The following B4GALT6 variants were observed in gnomAD, a reference collection of about 807,000 sequenced individuals.
B4GALT6 encodes the protein UDP-Gal:beta-GlcNAc beta-1,4-galactosyltransferase 6.
In B4GALT6, 14 loss-of-function variants were observed where a neutral mutation model predicts 46.3. The observed-to-expected ratio is 0.30, with a 90% CI of 0.20 to 0.47. The LOEUF is 0.47. B4GALT6 is among the 20% of genes least tolerant of loss of function. B4GALT6 has a pLI of 0.99. For synonymous variants in B4GALT6, 168 were observed against 162.0 expected (o/e 1.04, Z -0.28); for missense variants, 386 against 480.1 (o/e 0.80, Z 1.83).
chr18:31,651,410 G>A (rs148630293), intron 3 of B4GALT6, among the ~76,000 whole-genome samples: 121 of 152,076 alleles, frequency 8.0e-4, no homozygotes, highest in Non-Finnish European at 1.3e-3. Context: ...GGGGTGGGGG[G>A]CTCTCTAGGA....
At chr18:31,626,976 G>A (rs2073707567) in intron 7 of B4GALT6, 23 bp downstream of exon 7, 4 of 1,586,022 alleles carry the variant, frequency 2.5e-6, no homozygotes, top group Non-Finnish European at 3.4e-6. Flanking sequence ...TTCTATTAGT[G>A]AACAATTTGT....
At chr18:31,693,511 T>C in the B4GALT6 span, among the ~76,000 whole-genome samples, 2 of 152,342 alleles carry the variant, frequency 1.3e-5, no homozygotes, top group South Asian at 4.1e-4. Context: ...TATAGCTTAC[T>C]TTATGCAAAT....
At chr18:31,724,621 C>A in the B4GALT6 span, 2 of 1,051,856 alleles carry the variant, frequency 1.9e-6, no homozygotes, top group South Asian at 3.6e-5. Flanking sequence ...CAGAGCAGTT[C>A]GCTGCTGCAC....
intron 4 of B4GALT6, among the ~76,000 whole-genome samples, chr18:31,641,677 A>C (rs552494642): frequency 6.6e-6 from 1 of 152,332 alleles, no homozygotes; most frequent in East Asian, 1.9e-4. Context: ...ATATCTGGTC[A>C]TTATCTTCTG....
intron 6 of B4GALT6, among the ~76,000 whole-genome samples, chr18:31,627,975 GA>G (rs1321264180): frequency 1.3e-5 from 2 of 152,214 alleles, no homozygotes; most frequent in East Asian, 3.8e-4. Context: ...CAAGCTGAGG[GA>G]AACCTGGCTG....
At chr18:31,722,294 C>A in the B4GALT6 span, among the ~76,000 whole-genome samples, 1 of 151,778 alleles carries the variant, frequency 6.6e-6, no homozygotes, top group African/African-American at 2.4e-5. Context: ...GTATACACAA[C>A]ACACACACAC....
intron 2 of B4GALT6, chr18:31,658,341 G>C (rs2144649711): frequency 1.3e-5 from 4 of 297,104 alleles, no homozygotes; most frequent in East Asian, 1.2e-4. Flanking sequence ...AGTCCCACTT[G>C]CAACCATGTG....
Position 31,623,594 on chromosome 18 carries a change from G to A in B4GALT6, c.*2020C>T, listed in dbSNP as rs1189575198. The A allele has an allele frequency of 6.6e-6, 1 of 152,264 alleles. No homozygotes were observed. The highest frequency in any genetic ancestry group is 1.5e-5 in the Non-Finnish European group (1 of 67,808). 9.4% of individuals were successfully genotyped at this position (152,264 alleles called of 1,614,324 possible). A position where few individuals can be genotyped will look rare whatever the true frequency, so the allele number is the denominator to read the frequency against. ...CTTTAAAAACTATGTAATAGAAACA[G>A]AAAATGAACTAATACACAAATGAAG... On this transcript the variant is annotated 3_prime_UTR_variant, in exon 9 of 9. Coordinates refer to ENST00000306851, the MANE Select transcript of B4GALT6 (RefSeq NM_004775.5).
At chr18:31,701,208 C>CATGAGTGA in the B4GALT6 span, among the ~76,000 whole-genome samples, 2 of 152,262 alleles carry the variant, frequency 1.3e-5, no homozygotes. Flanking sequence ...AACACCATCT[C>CATGAGTGA]CTTGGTGCTG....
At chr18:31,696,851 A>G in the B4GALT6 span, among the ~76,000 whole-genome samples, 2 of 152,182 alleles carry the variant, frequency 1.3e-5, no homozygotes, top group African/African-American at 2.4e-5. Flanking sequence ...TAACGCAGAA[A>G]TGTGTCTTTA....
At chr18:31,706,439 T>C in the B4GALT6 span, among the ~76,000 whole-genome samples, 1 of 152,156 alleles carries the variant, frequency 6.6e-6, no homozygotes, top group Non-Finnish European at 1.5e-5. Flanking sequence ...GAGATCAGCC[T>C]GGCCAACATG....
At chr18:31,658,330 CA>C in intron 2 of B4GALT6, 1 of 319,082 alleles carries the variant, frequency 3.1e-6, no homozygotes, top group Non-Finnish European at 5.8e-6. Context: ...ACAGACATGG[CA>C]GTCCCACTTG....
chr18:31,693,992 A>G, the B4GALT6 span, among the ~76,000 whole-genome samples: 1,437 of 152,320 alleles, frequency 9.4e-3, 48 homozygotes, highest in East Asian at 0.099. Context: ...ATAAGTAATG[A>G]AAAGGATAGG....
chr18:31,629,493 G>T (rs1392018237), intron 6 of B4GALT6, among the ~76,000 whole-genome samples: 1 of 76,596 alleles, frequency 1.3e-5, no homozygotes, highest in South Asian at 4.3e-4. Context: ...TGTGAAAATC[G>T]GTTACCCTGG....
chr18:31,709,605 A>G, the B4GALT6 span, among the ~76,000 whole-genome samples: 1,643 of 128,078 alleles, frequency 0.013, 11 homozygotes, highest in Middle Eastern at 0.033. Flanking sequence ...GTGTGTGTGT[A>G]TATATATATC....
At chr18:31,638,786 T>C in intron 4 of B4GALT6, 26 bp from the exon 5 acceptor site, 1 of 1,511,678 alleles carries the variant, frequency 6.6e-7, no homozygotes, top group Non-Finnish European at 9.2e-7. Flanking sequence ...GTCATGTATG[T>C]AAATAAATAT....
At chr18:31,705,571 TAG>T in the B4GALT6 span, among the ~76,000 whole-genome samples, 13 of 152,176 alleles carry the variant, frequency 8.5e-5, no homozygotes, top group Admixed American at 8.5e-4. Flanking sequence ...GTATTTTTAG[TAG>T]AGTCAGGGCT....
At position 31,638,715 on chromosome 18, in the gene B4GALT6, T is replaced by G; in HGVS notation, c.517A>C (p.Ile173Leu). 6.2e-7 allele frequency: 1 copy of G among 1,613,890 alleles called. No individual in the cohort carries two copies. The highest frequency in any genetic ancestry group is 1.1e-5 in the South Asian group (1 of 91,074). The change falls in exon 5 of 9, where the codon ATT (isoleucine) becomes CTT (leucine). Residue 173 changes from isoleucine to leucine, a missense_variant. Transcript: ENST00000306851. ...PFRNRHEHLPIFFLHLIPMLQ... is the reference protein window; with the variant it reads ...PFRNRHEHLPLFFLHLIPMLQ... ...ATTGGAATCAGATGTAAGAAAAAAA[T>G]TGGAAGATGTTCATGGCGATTACGG...
chr18:31,684,858 G>C (rs554361319), upstream of B4GALT6: 2 of 809,164 alleles, frequency 2.5e-6, no homozygotes, highest in South Asian at 5.6e-5. Flanking sequence ...CGGCTCCGCT[G>C]CCCGCGCCCG....
Sources: allele counts gnomAD v4.1 joint callset (sites outside exome capture counted in the v4.1 genomes callset), GRCh38; gene constraint gnomAD v4.1.1; transcripts MANE v1.5; gene names NCBI Gene and HGNC (gene_info 2026-07-23, HGNC 2026-07-21).